The following HMCN1 variants were observed in gnomAD, a reference collection of about 807,000 sequenced individuals.
HMCN1 encodes the protein hemicentin-1.
A neutral mutation model predicts 625.9 loss-of-function variants in HMCN1; 321 were observed. The ratio of observed to expected loss-of-function variants is 0.51; its 90% CI spans 0.47 to 0.56. The LOEUF is 0.56. HMCN1 is among the 20% of genes least tolerant of loss of function. The pLI is 0.00. For synonymous variants in HMCN1, 2,425 were observed against 2,417.6 expected, an observed-to-expected ratio of 1.00 and a Z score of -0.09; for missense variants, 6,588 against 6,887.3, an observed-to-expected ratio of 0.96 and a Z score of 1.54.
chr1:186,054,148 T>A, intron 44 of HMCN1, among the ~76,000 whole-genome samples, 162 bp downstream of exon 44: 1 of 152,030 alleles, frequency 6.6e-6, no homozygotes, highest in Non-Finnish European at 1.5e-5. Context: ...TGGAGAGCAA[T>A]TACTTCCTTC....
chr1:186,166,199 C>T lies in HMCN1; in HGVS notation c.15335C>T (p.Ala5112Val), dbSNP rs775430419. 1.2e-6 allele frequency: 2 copies of T among 1,613,920 alleles called. No homozygotes were observed. The highest frequency in any genetic ancestry group is 1.7e-5 in the Admixed American group (1 of 60,004). ...CTTCTTTAAGATGAGGATGAATGTG[C>T]AGCAGGGAATCCCTGCTCCCATAGC... ...GPFCADEDEC[A>V]AGNPCSHSCH... Residue 5112 changes from alanine to valine, a missense_variant, in exon 99 of 107, where the codon GCA (alanine) becomes GTA (valine). Coordinates refer to ENST00000271588, the MANE Select transcript of HMCN1 (RefSeq NM_031935.3).
chr1:185,951,536 T>C (rs1206594183), intron 11 of HMCN1, among the ~76,000 whole-genome samples: 15 of 150,296 alleles, frequency 1.0e-4, no homozygotes, highest in African/African-American at 2.4e-4. Flanking sequence ...AGGGGGCTTC[T>C]GAGGCGATCG....
At chr1:185,931,809 T>C (rs1366708826) in intron 10 of HMCN1, among the ~76,000 whole-genome samples, 1 of 152,200 alleles carries the variant, frequency 6.6e-6, no homozygotes, top group Non-Finnish European at 1.5e-5. Context: ...GTTTGTTTCA[T>C]AGGGATCTGA....
chr1:186,118,870 T>C (rs80296217), intron 77 of HMCN1, among the ~76,000 whole-genome samples: 2,848 of 152,320 alleles, frequency 0.019, 88 homozygotes, highest in South Asian at 0.078. Context: ...GGAATGACTG[T>C]AAATGAGCAC....
intron 1 of HMCN1, among the ~76,000 whole-genome samples, chr1:185,738,699 C>A (rs1653766003): frequency 6.6e-6 from 1 of 152,188 alleles, no homozygotes; most frequent in African/African-American, 2.4e-5. Flanking sequence ...GTTCCGATTT[C>A]TTTCCAACCT....
At chr1:185,815,056 G>A (rs1659761910) in intron 1 of HMCN1, among the ~76,000 whole-genome samples, 1 of 150,338 alleles carries the variant, frequency 6.7e-6, no homozygotes, top group Admixed American at 6.6e-5. Flanking sequence ...TGGTAAAAAA[G>A]AGAAAGTGAA....
At chr1:185,976,063 AAAAC>A (rs1651188847) in intron 15 of HMCN1, among the ~76,000 whole-genome samples, 1 of 152,212 alleles carries the variant, frequency 6.6e-6, no homozygotes, top group Non-Finnish European at 1.5e-5. Context: ...TAGGAAATAA[AAAAC>A]AAATGTAGTC....
chr1:186,077,133 T>A (rs891351019), intron 54 of HMCN1, among the ~76,000 whole-genome samples: 2 of 152,172 alleles, frequency 1.3e-5, no homozygotes, highest in Non-Finnish European at 2.9e-5. Context: ...CATTCAGATA[T>A]ACAGGGCTTA....
At chr1:185,989,823 A>C (rs1652297354) in intron 21 of HMCN1, among the ~76,000 whole-genome samples, 176 bp downstream of exon 21, 1 of 151,224 alleles carries the variant, frequency 6.6e-6, no homozygotes, top group South Asian at 2.1e-4. Flanking sequence ...TGCCAACCAA[A>C]ATCACTTCTA....
chr1:185,921,965 G>T (rs1253041668), intron 6 of HMCN1, among the ~76,000 whole-genome samples: 1 of 152,148 alleles, frequency 6.6e-6, no homozygotes, highest in Non-Finnish European at 1.5e-5. Context: ...AGGCAAAGAA[G>T]AAATAAATAT....
chr1:186,115,835 G>A (rs1661106745), intron 75 of HMCN1, among the ~76,000 whole-genome samples: 1 of 146,486 alleles, frequency 6.8e-6, no homozygotes, highest in Admixed American at 6.9e-5. Flanking sequence ...TGTGTAGGGA[G>A]GAAAAACAGC....
At chr1:186,118,209 G>C (rs150365112) in intron 77 of HMCN1, among the ~76,000 whole-genome samples, 1 of 152,074 alleles carries the variant, frequency 6.6e-6, no homozygotes, top group African/African-American at 2.4e-5. Flanking sequence ...ATTCACGTTG[G>C]TGTTTCTAAA....
At chr1:186,001,819 T>C in intron 28 of HMCN1, 78 bp downstream of exon 28, 3 of 1,197,590 alleles carry the variant, frequency 2.5e-6, no homozygotes, top group Non-Finnish European at 3.6e-6. Context: ...TATGAAAAAG[T>C]AAAGAGAAAA....
Position 185,977,806 on chromosome 1 carries a change from A to C in HMCN1, c.2391A>C (p.Gln797His), listed in dbSNP as rs757740142. The C allele has an allele frequency of 1.2e-6, 2 of 1,612,744 alleles. No individual in the cohort carries two copies. The highest frequency in any genetic ancestry group is 1.7e-6 in the Non-Finnish European group (2 of 1,178,952). ...LDVGSPPVFI[Q>H]EPADVSMEIG... ...TTCCAGCACCTCCAGTTTTCATACA[A>C]GAACCTGCTGATGTGTCTATGGAAA... Residue 797 changes from glutamine (Q) to histidine (H), a missense_variant, in exon 16 of 107, where the codon CAA becomes CAC. By Grantham distance (24) the Gln-to-His change is conservative. Transcript: ENST00000271588.
intron 105 of HMCN1, among the ~76,000 whole-genome samples, chr1:186,183,525 A>C (rs1208528227): frequency 6.6e-6 from 1 of 152,250 alleles, no homozygotes; most frequent in Non-Finnish European, 1.5e-5. Flanking sequence ...ACTCAGATTT[A>C]AAGTACTGGA....
At chr1:186,098,051 T>G (rs969713324) in intron 68 of HMCN1, among the ~76,000 whole-genome samples, 2 of 152,116 alleles carry the variant, frequency 1.3e-5, no homozygotes, top group Admixed American at 1.3e-4. Flanking sequence ...AAAAATCAAC[T>G]CAAAATGGAT....
At chr1:186,015,841 G>T in intron 31 of HMCN1, 117 bp from the exon 32 acceptor site, 1 of 915,012 alleles carries the variant, frequency 1.1e-6, no homozygotes, top group East Asian at 2.5e-5. Context: ...CAGGCATATA[G>T]GTAGATTTTA....
At chr1:186,160,188 A>G (rs1651349375) in intron 97 of HMCN1, among the ~76,000 whole-genome samples, 2 of 147,822 alleles carry the variant, frequency 1.4e-5, no homozygotes, top group African/African-American at 2.5e-5. Context: ...TTTCTTCTAG[A>G]TTTTCTAGTT....
intron 42 of HMCN1, among the ~76,000 whole-genome samples, chr1:186,051,192 G>C (rs1313113762): frequency 1.3e-5 from 2 of 152,020 alleles, no homozygotes; most frequent in African/African-American, 4.8e-5. Context: ...GATTCTAAAG[G>C]TGATAGAATA....
Sources: allele counts gnomAD v4.1 joint callset (sites outside exome capture counted in the v4.1 genomes callset), GRCh38; gene constraint gnomAD v4.1.1; transcripts MANE v1.5; gene names NCBI Gene and HGNC (gene_info 2026-07-23, HGNC 2026-07-21).